The following DLG2 variants were observed in gnomAD, a reference collection of about 807,000 sequenced individuals.
DLG2 encodes disks large homolog 2.
Under a neutral mutation model 132.5 loss-of-function variants are expected in DLG2, and 45 were observed. That is an observed-to-expected ratio of 0.34 (90% CI 0.27 to 0.44). The LOEUF (loss-of-function observed/expected upper bound fraction) is 0.44. Ranked by LOEUF, DLG2 falls within the 20% of genes least tolerant of loss-of-function variation. The pLI is 1.00. For synonymous variants in DLG2, 424 were observed against 419.6 expected (o/e 1.01, Z -0.13); for missense variants, 1,045 against 1,196.9 (o/e 0.87, Z 1.87).
At chr11:83,588,934 T>C (rs2097140414) in intron 19 of DLG2, among the ~76,000 whole-genome samples, 1 of 148,484 alleles carries the variant, frequency 6.7e-6, no homozygotes, top group Non-Finnish European at 1.5e-5. Context: ...AAGGGAAGTT[T>C]AGAGAAAAAA....
At chr11:85,210,559 C>T (rs764797892) in intron 4 of DLG2, among the ~76,000 whole-genome samples, 12 of 151,932 alleles carry the variant, frequency 7.9e-5, no homozygotes, top group Admixed American at 7.2e-4. Context: ...CCTTTATAAC[C>T]GTGGCAGTGG....
chr11:84,415,455 T>C (rs968515876), intron 7 of DLG2, among the ~76,000 whole-genome samples: 1 of 152,204 alleles, frequency 6.6e-6, no homozygotes, highest in South Asian at 2.1e-4. Flanking sequence ...TCTTATATAA[T>C]CTTCATTTTT....
chr11:84,840,392 G>A (rs2080470613), intron 6 of DLG2, among the ~76,000 whole-genome samples: 1 of 152,158 alleles, frequency 6.6e-6, no homozygotes, highest in Admixed American at 6.6e-5. Flanking sequence ...ACTGTTGATG[G>A]TAGTGTAAAC....
intron 6 of DLG2, among the ~76,000 whole-genome samples, chr11:84,950,429 C>A (rs1024436457): frequency 6.6e-6 from 1 of 152,136 alleles, no homozygotes; most frequent in Non-Finnish European, 1.5e-5. Flanking sequence ...TTCCTCCTAA[C>A]TTATACAGTG....
intron 8 of DLG2, among the ~76,000 whole-genome samples, chr11:84,219,524 A>G (rs2096885611): frequency 6.6e-6 from 1 of 152,236 alleles, no homozygotes; most frequent in South Asian, 2.1e-4. Context: ...TTCTTGGGAT[A>G]TGGTAAATTC....
chr11:85,321,579 T>C (rs117355778), intron 3 of DLG2, among the ~76,000 whole-genome samples: 110 of 152,130 alleles, frequency 7.2e-4, no homozygotes, highest in Admixed American at 1.8e-3. Flanking sequence ...AACATTTCAA[T>C]ATTTAGAGAT....
At chr11:84,737,281 G>A (rs1282146341) in intron 6 of DLG2, among the ~76,000 whole-genome samples, 1 of 151,788 alleles carries the variant, frequency 6.6e-6, no homozygotes, top group Non-Finnish European at 1.5e-5. Context: ...TTCCATCTAT[G>A]TTCATGAGGG....
intron 6 of DLG2, among the ~76,000 whole-genome samples, chr11:84,714,871 T>C (rs1441064783): frequency 6.6e-6 from 1 of 152,044 alleles, no homozygotes; most frequent in African/African-American, 2.4e-5. Context: ...CCTTTTGCTG[T>C]TTTAGTCCTT....
At chr11:84,278,235 A>G (rs1598928962) in intron 7 of DLG2, among the ~76,000 whole-genome samples, 1 of 152,128 alleles carries the variant, frequency 6.6e-6, no homozygotes, top group Non-Finnish European at 1.5e-5. Context: ...TTAATACCTT[A>G]GATGAAATGG....
intron 9 of DLG2, among the ~76,000 whole-genome samples, chr11:84,145,396 T>C (rs1209065602): frequency 6.6e-6 from 1 of 152,206 alleles, no homozygotes; most frequent in Non-Finnish European, 1.5e-5. Context: ...GTACAATCAA[T>C]ATGTTAATAC....
In DLG2 at chr11:83,459,162, A is replaced by T. The variant is rs547726283; in HGVS notation, c.*656T>A. 6.5e-6 allele frequency: 1 copy of T among 152,758 alleles called. No homozygotes were observed. The highest frequency in any genetic ancestry group is 2.1e-4 in the South Asian group (1 of 4,826). 9.5% of individuals were successfully genotyped at this position (152,758 alleles called of 1,614,324 possible). A position where few individuals can be genotyped will look rare whatever the true frequency, so the allele number is the denominator to read the frequency against. On this transcript the variant is annotated 3_prime_UTR_variant, in exon 28 of 28. Coordinates refer to ENST00000376104, the MANE Select transcript of DLG2 (RefSeq NM_001142699.3). ...TCTTTCAGTTTATAAATGGCAAAAT[A>T]GGCAATCAACAATCATAAAGCTAAT...
intron 6 of DLG2, among the ~76,000 whole-genome samples, chr11:84,972,843 T>A (rs749452883): frequency 2.0e-5 from 3 of 152,216 alleles, no homozygotes; most frequent in Non-Finnish European, 4.4e-5. Flanking sequence ...TTCCAGCTTG[T>A]TGAGACTGCA....
intron 3 of DLG2, among the ~76,000 whole-genome samples, chr11:85,371,802 GGTCTTATCCGTGATTCCTT>G (rs2085001565): frequency 6.6e-6 from 1 of 152,190 alleles, no homozygotes; most frequent in Non-Finnish European, 1.5e-5. Flanking sequence ...GGTTTTAAAA[GGTCTTATCCGTGATTCCTT>G]GTGGTACACA....
At chr11:84,170,424 A>G (rs1299983537) in intron 8 of DLG2, among the ~76,000 whole-genome samples, 1 of 152,224 alleles carries the variant, frequency 6.6e-6, no homozygotes, top group Non-Finnish European at 1.5e-5. Context: ...CAAATAACTC[A>G]GTCTAACAGA....
intron 9 of DLG2, among the ~76,000 whole-genome samples, chr11:84,102,969 G>A (rs189215777): frequency 1.6e-4 from 25 of 152,198 alleles, no homozygotes; most frequent in Non-Finnish European, 3.1e-4. Flanking sequence ...GGAAAAGAAT[G>A]AATATATTTA....
intron 7 of DLG2, among the ~76,000 whole-genome samples, chr11:84,252,673 C>G (rs1251199459): frequency 6.6e-6 from 1 of 152,148 alleles, no homozygotes; most frequent in Non-Finnish European, 1.5e-5. Context: ...ATTTGCATCA[C>G]CAGTCTAACT....
At chr11:85,177,976 C>A (rs2079419259) in intron 4 of DLG2, among the ~76,000 whole-genome samples, 2 of 151,784 alleles carry the variant, frequency 1.3e-5, no homozygotes, top group Admixed American at 6.6e-5. Flanking sequence ...AAAATAAATT[C>A]AAGGTCTTGA....
At chr11:84,217,563 T>C (rs1043354091) in intron 8 of DLG2, among the ~76,000 whole-genome samples, 2 of 152,050 alleles carry the variant, frequency 1.3e-5, no homozygotes, top group Non-Finnish European at 2.9e-5. Flanking sequence ...ATCATGAAAA[T>C]GGACTAATAC....
At chr11:84,545,176 C>T (rs865815653) in intron 6 of DLG2, 85 of 452,868 alleles carry the variant, frequency 1.9e-4, no homozygotes, top group Non-Finnish European at 2.6e-4. Context: ...ACTGGAACCA[C>T]GAGAGCCTCC....
Sources: allele counts gnomAD v4.1 joint callset (sites outside exome capture counted in the v4.1 genomes callset), GRCh38; gene constraint gnomAD v4.1.1; transcripts MANE v1.5; gene names NCBI Gene and HGNC (gene_info 2026-07-23, HGNC 2026-07-21).